Variants in ATRNL1 observed in about 807,000 individuals in gnomAD.
ATRNL1 encodes the protein attractin-like protein 1.
Under a neutral mutation model 182.7 loss-of-function variants are expected in ATRNL1, and 95 were observed. The observed-to-expected ratio is 0.52, with a 90% CI of 0.44 to 0.62. The LOEUF is 0.62. Among genes scored for constraint, ATRNL1 ranks in the 20% least tolerant of loss-of-function variants. The pLI, the probability that ATRNL1 is intolerant of heterozygous loss-of-function variation, is 0.00. For missense variants in ATRNL1, 1,471 were observed against 1,679.5 expected (o/e 0.88, Z 2.17); for synonymous variants, 576 against 568.3 (o/e 1.01, Z -0.19).
chr10:115,470,711 T>G (rs1848268109), intron 24 of ATRNL1, among the ~76,000 whole-genome samples: 1 of 150,582 alleles, frequency 6.6e-6, no homozygotes, highest in South Asian at 2.1e-4. Flanking sequence ...CTTACTCTTT[T>G]GGAAGCAAAA....
At chr10:115,463,920 T>C (rs1565071533) in intron 22 of ATRNL1, among the ~76,000 whole-genome samples, 1 of 152,072 alleles carries the variant, frequency 6.6e-6, no homozygotes, top group Non-Finnish European at 1.5e-5. Context: ...AAGAGAGATA[T>C]CTGACTCAAA....
At chr10:115,535,194 G>T (rs1328807965) in intron 25 of ATRNL1, among the ~76,000 whole-genome samples, 1 of 152,120 alleles carries the variant, frequency 6.6e-6, no homozygotes, top group Admixed American at 6.5e-5. Flanking sequence ...ATAATATCCT[G>T]CAGAGTGTTT....
chr10:115,455,425 C>T (rs1202913317), intron 21 of ATRNL1, among the ~76,000 whole-genome samples: 1 of 152,148 alleles, frequency 6.6e-6, no homozygotes, highest in African/African-American at 2.4e-5. Context: ...GGGAAACTGG[C>T]TAGCCATATG....
chr10:115,303,096 T>G (rs1853557357), intron 17 of ATRNL1, among the ~76,000 whole-genome samples: 1 of 149,416 alleles, frequency 6.7e-6, no homozygotes, highest in South Asian at 2.1e-4. Context: ...TATCTGTCCC[T>G]CTTGTAATTA....
At chr10:115,837,116 T>G (rs1950692635) in intron 27 of ATRNL1, among the ~76,000 whole-genome samples, 1 of 152,154 alleles carries the variant, frequency 6.6e-6, no homozygotes, top group South Asian at 2.1e-4. Context: ...TTTTATTCAC[T>G]CTCATATACT....
intron 24 of ATRNL1, among the ~76,000 whole-genome samples, chr10:115,507,118 G>A (rs1293918177): frequency 1.3e-5 from 2 of 152,000 alleles, no homozygotes; most frequent in Non-Finnish European, 2.9e-5. Flanking sequence ...GCAGGGAGGG[G>A]GCTTCCAGGT....
At position 115,394,681 on chromosome 10, in the gene ATRNL1, A is replaced by G; in HGVS notation, c.3198A>G (p.Ala1066=). 6.2e-7 allele frequency: 1 copy of G among 1,611,938 alleles called. No homozygotes were observed. Among genetic ancestry groups the G allele is most frequent in the South Asian group, 1.1e-5 (1 of 90,982 alleles). Residue 1066 remains alanine, a synonymous_variant, in exon 20 of 29, where the codon GCA becomes GCG. Coordinates refer to ENST00000355044, the MANE Select transcript of ATRNL1 (RefSeq NM_207303.4). ...CAGCTTGTACATGCAGTGGCCATGC[A>G]AATATCTGTCATCTGCACACAGGAA... ...QCTACTCSGH[A]NICHLHTGKC...
intron 5 of ATRNL1, among the ~76,000 whole-genome samples, chr10:115,144,130 C>A (rs1342300928): frequency 1.4e-4 from 21 of 151,680 alleles, no homozygotes; most frequent in Admixed American, 9.8e-4. Flanking sequence ...AGGTGCCCAC[C>A]ACCACGCCCA....
intron 24 of ATRNL1, among the ~76,000 whole-genome samples, chr10:115,512,949 C>A (rs1174602133): frequency 1.3e-5 from 2 of 151,962 alleles, no homozygotes; most frequent in Non-Finnish European, 2.9e-5. Flanking sequence ...GTCCAACTTG[C>A]AGCCCATGGG....
At chr10:115,499,306 T>A (rs1554979395) in intron 24 of ATRNL1, among the ~76,000 whole-genome samples, 3 of 152,210 alleles carry the variant, frequency 2.0e-5, no homozygotes, top group Admixed American at 6.5e-5. Context: ...ATTCTACATA[T>A]TTTAACTGGT....
intron 26 of ATRNL1, among the ~76,000 whole-genome samples, chr10:115,605,178 A>G (rs769214153): frequency 5.9e-5 from 9 of 152,120 alleles, no homozygotes; most frequent in Non-Finnish European, 1.2e-4. Context: ...TACCGTTATT[A>G]TCTCCTTATA....
intron 24 of ATRNL1, among the ~76,000 whole-genome samples, chr10:115,492,123 C>T (rs1554976725): frequency 1.3e-5 from 2 of 152,152 alleles, no homozygotes; most frequent in African/African-American, 4.8e-5. Context: ...GTTGGAAATA[C>T]AGACATCACT....
chr10:115,385,554 A>G (rs1370000016), intron 19 of ATRNL1, among the ~76,000 whole-genome samples: 2 of 152,148 alleles, frequency 1.3e-5, no homozygotes, highest in Admixed American at 6.5e-5. Flanking sequence ...TAAAACGAAG[A>G]TGTTTTAAAG....
chr10:115,755,555 G>T (rs1225245597), intron 27 of ATRNL1, among the ~76,000 whole-genome samples: 1 of 152,112 alleles, frequency 6.6e-6, no homozygotes, highest in Non-Finnish European at 1.5e-5. Flanking sequence ...TTGATACGCT[G>T]CTGGAATCAG....
chr10:115,205,737 T>C (rs1564819642), intron 8 of ATRNL1, among the ~76,000 whole-genome samples: 1 of 152,076 alleles, frequency 6.6e-6, no homozygotes, highest in African/African-American at 2.4e-5. Flanking sequence ...AAACCTTACC[T>C]CATTACAGGT....
intron 26 of ATRNL1, among the ~76,000 whole-genome samples, chr10:115,607,827 A>G (rs1463653715): frequency 1.3e-5 from 2 of 151,970 alleles, no homozygotes; most frequent in African/African-American, 2.4e-5. Flanking sequence ...CTAGTGATGT[A>G]ATGTCATTAT....
intron 25 of ATRNL1, among the ~76,000 whole-genome samples, chr10:115,545,640 C>T (rs1852609410): frequency 6.6e-6 from 1 of 152,132 alleles, no homozygotes; most frequent in South Asian, 2.1e-4. Flanking sequence ...CTAGTATTCC[C>T]GTCTCAAACT....
chr10:115,597,695 C>A (rs1025646162), intron 26 of ATRNL1: 1 of 449,346 alleles, frequency 2.2e-6, no homozygotes, highest in Non-Finnish European at 4.4e-6. Flanking sequence ...TACAGGCGCC[C>A]ACTACCACGC....
chr10:115,844,726 T>G (rs1950889929), intron 27 of ATRNL1, among the ~76,000 whole-genome samples: 1 of 152,040 alleles, frequency 6.6e-6, no homozygotes, highest in African/African-American at 2.4e-5. Flanking sequence ...TAACACCAGC[T>G]TCTTGCAGTA....
Sources: gnomAD v4.1 joint callset for allele counts (sites outside exome capture counted in the v4.1 genomes callset) on GRCh38, gnomAD v4.1.1 for gene constraint, MANE v1.5 for transcripts, NCBI Gene and HGNC (gene_info 2026-07-23, HGNC 2026-07-21) for gene names.